Variants in AGBL1 observed in about 807,000 individuals in gnomAD.
The protein encoded by AGBL1 is AGBL carboxypeptidase 1.
AGBL1 carries 130 observed loss-of-function variants against 118.9 expected under a neutral mutation model. That is an observed-to-expected ratio of 1.09 (90% CI 0.95 to 1.26). The LOEUF is 1.26. Ranked by LOEUF, AGBL1 falls within the 50% of genes most tolerant of loss-of-function variation. The probability of loss-of-function intolerance (pLI) is 0.00; values close to 1 mark genes in which losing one functional copy is unlikely to be tolerated. For synonymous variants in AGBL1, 555 were observed against 478.9 expected, an observed-to-expected ratio of 1.16 and a Z score of -2.08; for missense variants, 1,584 against 1,298.1, an observed-to-expected ratio of 1.22 and a Z score of -3.38.
intron 21 of AGBL1, among the ~76,000 whole-genome samples, chr15:86,595,343 C>T (rs2084390824): frequency 6.6e-6 from 1 of 152,154 alleles, no homozygotes; most frequent in South Asian, 2.1e-4. Context: ...AAAACTTGCT[C>T]CTCTCACCTG....
chr15:87,018,762 A>G (rs1415046378), intron 24 of AGBL1, among the ~76,000 whole-genome samples: 5 of 152,206 alleles, frequency 3.3e-5, no homozygotes, highest in African/African-American at 1.2e-4. Context: ...GATCAAACTC[A>G]CATATAACAA....
At chr15:86,251,416 C>T (rs925232493) in intron 7 of AGBL1, among the ~76,000 whole-genome samples, 1 of 152,150 alleles carries the variant, frequency 6.6e-6, no homozygotes, top group African/African-American at 2.4e-5. Flanking sequence ...AATGTGCTTT[C>T]CTGACAACTT....
At chr15:86,349,337 A>C (rs2080589020) in intron 17 of AGBL1, among the ~76,000 whole-genome samples, 1 of 152,320 alleles carries the variant, frequency 6.6e-6, no homozygotes, top group Middle Eastern at 3.4e-3. Context: ...CACCTATAAC[A>C]AGGAATTATA....
intron 19 of AGBL1, among the ~76,000 whole-genome samples, chr15:86,532,942 C>T (rs1489000864): frequency 1.1e-5 from 1 of 90,622 alleles, no homozygotes; most frequent in Non-Finnish European, 2.1e-5. Flanking sequence ...CTTCCTTACA[C>T]CTTATACAAA....
intron 22 of AGBL1, among the ~76,000 whole-genome samples, chr15:86,719,922 A>G (rs2086691809): frequency 6.6e-6 from 1 of 152,170 alleles, no homozygotes; most frequent in African/African-American, 2.4e-5. Flanking sequence ...ACTTCTTTCC[A>G]GCCTCTCTGG....
chr15:86,821,813 C>A (rs1484024734), intron 22 of AGBL1, among the ~76,000 whole-genome samples: 1 of 152,144 alleles, frequency 6.6e-6, no homozygotes, highest in Non-Finnish European at 1.5e-5. Flanking sequence ...TAAGGTGCTG[C>A]TTCAGATTTG....
At chr15:86,535,823 C>T (rs746488094) in intron 19 of AGBL1, among the ~76,000 whole-genome samples, 6 of 152,196 alleles carry the variant, frequency 3.9e-5, no homozygotes, top group South Asian at 4.1e-4. Flanking sequence ...TAACCCTTGT[C>T]GCCAAGGGCC....
intron 22 of AGBL1, among the ~76,000 whole-genome samples, chr15:86,843,987 A>T (rs567371160): frequency 2.6e-4 from 40 of 152,238 alleles, no homozygotes; most frequent in Non-Finnish European, 8.8e-5. Context: ...GTGTCATATA[A>T]TATGTAGTCT....
At position 86,722,096 on chromosome 15, in the gene AGBL1, G is replaced by C. The variant is rs868575034; in HGVS notation, c.3158+47660G>C. Among the ~76,000 whole-genome samples, 631 of 152,184 alleles carry C rather than the reference G, an allele frequency of 4.1e-3. 3 individuals carry two copies. Among genetic ancestry groups the C allele is most frequent in the African/African-American group, 0.014 (587 of 41,518 alleles). ...GCCATACTGCCCAAGGTAATTTATA[G>C]ATTCAATGCCATCCCCATCAAGCTA... On this transcript the variant is annotated intron_variant, in intron 22 of 22. Transcript: ENST00000614907.
chr15:87,009,860 A>G (rs2081540628), intron 24 of AGBL1, among the ~76,000 whole-genome samples: 1 of 152,196 alleles, frequency 6.6e-6, no homozygotes, highest in African/African-American at 2.4e-5. Context: ...AATTTCTCTC[A>G]TTTGAAATGG....
chr15:86,681,843 C>T (rs2085963403), intron 22 of AGBL1, among the ~76,000 whole-genome samples: 1 of 152,104 alleles, frequency 6.6e-6, no homozygotes, highest in Admixed American at 6.6e-5. Flanking sequence ...TTAAGGAGAG[C>T]AGGCATGGAG....
At chr15:86,445,692 C>T (rs1166298230) in intron 18 of AGBL1, among the ~76,000 whole-genome samples, 2 of 152,180 alleles carry the variant, frequency 1.3e-5, no homozygotes, top group African/African-American at 4.8e-5. Flanking sequence ...TTTTTCCCTC[C>T]ACCTGACCTC....
intron 6 of AGBL1, among the ~76,000 whole-genome samples, chr15:86,238,827 A>AT (rs1480783478): frequency 1.3e-5 from 2 of 152,012 alleles, no homozygotes; most frequent in East Asian, 3.9e-4. Flanking sequence ...TTTTATTTTT[A>AT]TTTTTTTGTA....
chr15:86,949,195 T>C (rs1368742466), intron 23 of AGBL1, among the ~76,000 whole-genome samples: 2 of 152,226 alleles, frequency 1.3e-5, no homozygotes, highest in African/African-American at 2.4e-5. Flanking sequence ...ATTAAGATTT[T>C]TGTTTCTCTT....
At chr15:86,509,673 T>TG (rs35152385) in intron 18 of AGBL1, among the ~76,000 whole-genome samples, 66,254 of 151,838 alleles carry the variant, frequency 0.44, 15,536 homozygotes, top group East Asian at 0.68. Flanking sequence ...CTTATGAATT[T>TG]GGTTTCAAAA....
chr15:86,942,754 T>C (rs2080769482), intron 23 of AGBL1, among the ~76,000 whole-genome samples: 2 of 152,238 alleles, frequency 1.3e-5, no homozygotes, highest in African/African-American at 4.8e-5. Flanking sequence ...TTTCTAACCC[T>C]GCAAGGACCC....
intron 21 of AGBL1, among the ~76,000 whole-genome samples, chr15:86,632,900 C>T (rs1368925751): frequency 6.6e-6 from 1 of 152,078 alleles, no homozygotes; most frequent in African/African-American, 2.4e-5. Flanking sequence ...TTGCTTCAAA[C>T]TAACCATACT....
intron 18 of AGBL1, among the ~76,000 whole-genome samples, chr15:86,471,736 T>C (rs2082482184): frequency 6.6e-6 from 1 of 152,168 alleles, no homozygotes. Flanking sequence ...AAATGTGCAC[T>C]AATGTGAAAA....
intron 5 of AGBL1, among the ~76,000 whole-genome samples, chr15:86,192,027 A>G (rs1053825766): frequency 1.3e-5 from 2 of 151,548 alleles, no homozygotes; most frequent in Non-Finnish European, 2.9e-5. Flanking sequence ...CTTGAGCCCA[A>G]GAGTTCCAGG....
Sources: gnomAD v4.1 joint callset for allele counts (sites outside exome capture counted in the v4.1 genomes callset) on GRCh38, gnomAD v4.1.1 for gene constraint, MANE v1.5 for transcripts, NCBI Gene and HGNC (gene_info 2026-07-23, HGNC 2026-07-21) for gene names.